SLC25A38: variants seen among roughly 807,000 people sequenced by gnomAD.
SLC25A38 encodes the protein solute carrier family 25 member 38, also known as mitochondrial glycine transporter.
In SLC25A38, 27 loss-of-function variants were observed where a neutral mutation model predicts 33.4. The ratio of observed to expected loss-of-function variants is 0.81; its 90% CI spans 0.60 to 1.11. SLC25A38 has a LOEUF of 1.11. Among genes scored for constraint, SLC25A38 ranks in the 50% most tolerant of loss-of-function variants. The pLI, the probability that SLC25A38 is intolerant of heterozygous loss-of-function variation, is 0.00. For synonymous variants in SLC25A38, 123 were observed against 145.9 expected, an observed-to-expected ratio of 0.84 and a Z score of 1.13; for missense variants, 344 against 388.8, an observed-to-expected ratio of 0.88 and a Z score of 0.97.
intron 3 of SLC25A38, 71 bp downstream of exon 3, chr3:39,390,578 AC>A: frequency 6.8e-7 from 1 of 1,469,056 alleles, no homozygotes; most frequent in Non-Finnish European, 9.5e-7. Context: ...CATCTACCTT[AC>A]CAGCTCTTAA....
Position 39,391,658 on chromosome 3 carries a change from C to G in SLC25A38, c.456+38C>G, listed in dbSNP as rs759784113. On this transcript the variant is annotated intron_variant, in intron 4 of 6. Transcript: ENST00000650617. ...ACTTTAGGGCCTCAGGATAGTTCGGCTTAGCCACTGGGCTCCTGGGGAGTG... is the reference window on the plus strand; with the variant it reads ...ACTTTAGGGCCTCAGGATAGTTCGGGTTAGCCACTGGGCTCCTGGGGAGTG... 16 of 1,613,826 alleles carry G rather than the reference C, an allele frequency of 9.9e-6. No individual in the cohort carries two copies. The African/African-American group carries it at 1.7e-4, about 18-fold the overall frequency.
chr3:39,384,625 A>AG (rs2041689292), intron 1 of SLC25A38: 1 of 398,248 alleles, frequency 2.5e-6, no homozygotes, highest in East Asian at 3.6e-5. Flanking sequence ...CCAGATGTGA[A>AG]TTGGACTTAG....
chr3:39,391,689 C>T lies in SLC25A38; in HGVS notation c.456+69C>T, dbSNP rs995780107. The T allele has an allele frequency of 9.8e-5, 157 of 1,608,298 alleles. No homozygotes were observed. The Middle Eastern group carries it at 9.9e-4, about 10-fold the overall frequency. On this transcript the variant is annotated intron_variant, in intron 4 of 6. Transcript: ENST00000650617. ...CACTGGGCTCCTGGGGAGTGACCAC[C>T]GATGTCAACTCCTGATTTGTAATCT... is the stretch of plus-strand genomic sequence containing the variant.
rs184769974 is a variant in SLC25A38, at chr3:39,383,452, G to A, written c.-273G>A. On this transcript the variant is annotated 5_prime_UTR_variant, in exon 1 of 7. It removes an upstream start codon present in the reference 5' UTR. Transcript: ENST00000650617. ...GCTGAAGCCTGCAGCAGGGCAGGAT[G>A]GGCAGGAGAGCAGAGCCGCGGAGTC... The A allele has an allele frequency of 1.6e-3, 835 of 513,966 alleles. 6 individuals carry two copies. The highest frequency in any genetic ancestry group is 0.015 in the African/African-American group (756 of 51,852). 31.8% of individuals were successfully genotyped at this position (513,966 alleles called of 1,614,324 possible). A position where few individuals can be genotyped will look rare whatever the true frequency, so the allele number is the denominator to read the frequency against.
intron 3 of SLC25A38, 142 bp from the exon 4 acceptor site, chr3:39,391,299 A>G: frequency 8.8e-7 from 1 of 1,131,628 alleles, no homozygotes. Context: ...CATGTCCCCC[A>G]CTTCCCTATT....
intron 1 of SLC25A38, chr3:39,384,483 C>T (rs1426868587): frequency 5.2e-6 from 2 of 385,494 alleles, no homozygotes; most frequent in Non-Finnish European, 9.1e-6. Flanking sequence ...CCTCTGAGGT[C>T]TTGCGCCCGA....
rs752725073 is a variant in SLC25A38, at chr3:39,391,920, G to A, written c.524G>A (p.Arg175Gln). The change falls in exon 5 of 7, where the codon CGG becomes CAG. Residue 175 changes from arginine to glutamine, a missense_variant. Physicochemically the swap from Arg to Gln is conservative, Grantham distance 43 (BLOSUM62 1). Coordinates refer to ENST00000650617, the MANE Select transcript of SLC25A38 (RefSeq NM_017875.4). Reference sequence around the variant, plus strand: ...AGCATCTATCACAGTGAGGGGCACCGGGGCCTCTTCAGTGGCCTGACAGCA... The same window carrying A: ...AGCATCTATCACAGTGAGGGGCACCAGGGCCTCTTCAGTGGCCTGACAGCA... ...LRSIYHSEGH[R>Q]GLFSGLTATL... 2.9e-5 allele frequency: 46 copies of A among 1,614,002 alleles called. No homozygotes were observed. In the South Asian group the frequency reaches 2.9e-4, roughly 10 times the overall value.
Position 39,394,536 on chromosome 3 carries a change from A to G in SLC25A38, c.752A>G (p.Lys251Arg), listed in dbSNP as rs201190883. ...ACTCATATGCAGCTTTATCCACTGA[A>G]GTTTCAATGGATTGGCCAAGCAGTG... The part of the protein sequence containing the change: ...IKTHMQLYPL[K>R]FQWIGQAVTL... Residue 251 changes from lysine (K) to arginine (R), a missense_variant, in exon 6 of 7, where the codon AAG becomes AGG. This residue lies in a region of SLC25A38 where 75 missense variants were observed against 117.0 expected (regional missense o/e 0.64). Transcript: ENST00000650617. The G allele has an allele frequency of 5.3e-5, 85 of 1,614,188 alleles. 1 individual carries two copies. In the African/African-American group the frequency reaches 1.0e-3, roughly 19 times the overall value.
chr3:39,396,797 T>C lies in SLC25A38; in HGVS notation c.*277T>C. 1 of 465,634 alleles carries C rather than the reference T, an allele frequency of 2.1e-6. No individual in the cohort carries two copies. Among genetic ancestry groups the C allele is most frequent in the Non-Finnish European group, 3.9e-6 (1 of 254,420 alleles). The allele number at this position is 465,634 out of a possible 1,614,324, so 28.8% of individuals were successfully genotyped here. A position where few individuals can be genotyped will look rare whatever the true frequency, so the allele number is the denominator to read the frequency against. The stretch of plus-strand genomic sequence containing the variant: ...TGAGAGGCTACTTGGAAAGGCATTT[T>C]CCCAGGAGAGCTCTGTCAGGTGGCT... On this transcript the variant is annotated 3_prime_UTR_variant, in exon 7 of 7. Coordinates refer to ENST00000650617, the MANE Select transcript of SLC25A38 (RefSeq NM_017875.4).
At chr3:39,395,114 C>G (rs747660078) in intron 6 of SLC25A38, among the ~76,000 whole-genome samples, 1 of 152,058 alleles carries the variant, frequency 6.6e-6, no homozygotes, top group Non-Finnish European at 1.5e-5. Context: ...AGCTGATGAG[C>G]TAAAGAAAAA....
intron 6 of SLC25A38, among the ~76,000 whole-genome samples, chr3:39,395,054 GGAA>G (rs1193980188): frequency 6.6e-6 from 1 of 152,066 alleles, no homozygotes; most frequent in Non-Finnish European, 1.5e-5. Context: ...GGGCCACATT[GGAA>G]GAAGAATTGT....
Position 39,389,691 on chromosome 3 carries a change from C to A in SLC25A38, c.191+75C>A. On this transcript the variant is annotated intron_variant, in intron 2 of 6. Coordinates refer to ENST00000650617, the MANE Select transcript of SLC25A38 (RefSeq NM_017875.4). This position sits in a 1 kb window ranked among gnomAD's most constrained non-coding sequence, Gnocchi z 4.5. ...CAGGAACATCTTTACTGTGTTAAGTCAACTTCCATTCTGTTGGATGTTCAG... is the reference window on the plus strand; with the variant it reads ...CAGGAACATCTTTACTGTGTTAAGTAAACTTCCATTCTGTTGGATGTTCAG... 6.2e-7 allele frequency: 1 copy of A among 1,609,792 alleles called. No individual in the cohort carries two copies. Among genetic ancestry groups the A allele is most frequent in the Non-Finnish European group, 8.5e-7 (1 of 1,176,686 alleles).
rs148543383 is a variant in SLC25A38, at chr3:39,393,726, C to T, written c.626-684C>T. Among the ~76,000 whole-genome samples the T allele has an allele frequency of 6.6e-3, 1,012 of 152,268 alleles. 13 individuals are homozygous for T. Among genetic ancestry groups the T allele is most frequent in the African/African-American group, 0.023 (945 of 41,566 alleles). ...GTTGCCCAGGCTGGTCTTGAACTCC[C>T]AGGCTCAAGTGATCCTCCCGCCTCG... On this transcript the variant is annotated intron_variant, in intron 5 of 6. Coordinates refer to ENST00000650617, the MANE Select transcript of SLC25A38 (RefSeq NM_017875.4).
At chr3:39,394,621 C>A (rs1314369441) in intron 6 of SLC25A38, 45 bp downstream of exon 6, 2 of 1,608,540 alleles carry the variant, frequency 1.2e-6, no homozygotes, top group Admixed American at 1.7e-5. Flanking sequence ...GTTTAAGGAT[C>A]TCTTTCTAGA....
chr3:39,383,497 G>C lies in SLC25A38; in HGVS notation c.-228G>C. 1.7e-6 allele frequency: 1 copy of C among 580,718 alleles called. No homozygotes were observed. The highest frequency in any genetic ancestry group is 3.1e-6 in the Non-Finnish European group (1 of 323,622). The allele number at this position is 580,718 out of a possible 1,614,324, so 36.0% of individuals were successfully genotyped here. A position where few individuals can be genotyped will look rare whatever the true frequency, so the allele number is the denominator to read the frequency against. ...GGAGTCTGCGGCGCGGGTGAAGAGC[G>C]GCGCGTAATTCCCGCAGCAAGATTG... On this transcript the variant is annotated 5_prime_UTR_variant, in exon 1 of 7. Coordinates refer to ENST00000650617, the MANE Select transcript of SLC25A38 (RefSeq NM_017875.4).
chr3:39,395,671 C>T (rs546983987), intron 6 of SLC25A38, among the ~76,000 whole-genome samples: 15 of 151,972 alleles, frequency 9.9e-5, no homozygotes, highest in African/African-American at 3.4e-4. Context: ...CCACCAAGAG[C>T]ATACAGTGAA....
chr3:39,393,379 T>G (rs1380988155), intron 5 of SLC25A38, among the ~76,000 whole-genome samples: 2 of 152,200 alleles, frequency 1.3e-5, no homozygotes, highest in African/African-American at 4.8e-5. Context: ...TTTCCTGCCC[T>G]TTGAGGGTAA....
intron 2 of SLC25A38, 121 bp from the exon 3 acceptor site, chr3:39,390,302 T>C (rs2041747568): frequency 3.1e-6 from 3 of 967,372 alleles, no homozygotes; most frequent in Non-Finnish European, 5.0e-6. Context: ...AGGTGCATTG[T>C]AGAGATTGTT....
Position 39,394,580 on chromosome 3 carries a change from A to C in SLC25A38, c.792+4A>C. On this transcript the variant is annotated splice_donor_region_variant and intron_variant, in intron 6 of 6. Coordinates refer to ENST00000650617, the MANE Select transcript of SLC25A38 (RefSeq NM_017875.4). ...AGCAGTGACACTTATTTTCAAAGTA[A>C]GACTACAAAATAAGTACTGGTTCTT... 6.2e-7 allele frequency: 1 copy of C among 1,614,188 alleles called. No homozygotes were observed. The highest frequency in any genetic ancestry group is 8.5e-7 in the Non-Finnish European group (1 of 1,180,006).
Sources: gnomAD v4.1 joint callset for allele counts (sites outside exome capture counted in the v4.1 genomes callset) on GRCh38, gnomAD v4.1.1 for gene constraint, gnomAD v4.1.1 regional missense constraint, Gnocchi (gnomAD v3.1) non-coding constraint, MANE v1.5 for transcripts, NCBI Gene and HGNC (gene_info 2026-07-23, HGNC 2026-07-21) for gene names.